The following SPATA13 variants were observed in gnomAD, a reference collection of about 807,000 sequenced individuals.
SPATA13 encodes the protein spermatogenesis-associated protein 13.
SPATA13 carries 50 observed loss-of-function variants against 104.0 expected under a neutral mutation model. That is an observed-to-expected ratio of 0.48 (90% confidence interval 0.38 to 0.61). The LOEUF (loss-of-function observed/expected upper bound fraction) is 0.61. SPATA13 is among the 20% of genes least tolerant of loss of function. The probability of loss-of-function intolerance (pLI) is 0.00; values close to 1 mark genes in which losing one functional copy is unlikely to be tolerated. For missense variants in SPATA13, 1,524 were observed against 1,690.6 expected (o/e 0.90, Z 1.73); for synonymous variants, 606 against 667.5 (o/e 0.91, Z 1.42).
intron 2 of SPATA13, among the ~76,000 whole-genome samples, chr13:24,016,102 C>T (rs1876701298): frequency 6.6e-6 from 1 of 152,180 alleles, no homozygotes; most frequent in Admixed American, 6.5e-5. Context: ...GTTCCAAGTC[C>T]CTGGCAGGAC....
intron 3 of SPATA13, among the ~76,000 whole-genome samples, chr13:24,147,096 G>A (rs1352878229): frequency 1.3e-5 from 2 of 152,118 alleles, no homozygotes. Context: ...GATGGAAGAT[G>A]ATATCTGATT....
chr13:24,021,289 G>A (rs528698411), intron 3 of SPATA13, among the ~76,000 whole-genome samples: 26 of 152,330 alleles, frequency 1.7e-4, no homozygotes, highest in Admixed American at 7.8e-4. Flanking sequence ...GAATCCTGAA[G>A]ATGCCTGTTT....
In SPATA13 at chr13:24,051,937, C is replaced by G. The variant is rs1392694541; in HGVS notation, c.-112+34236C>G. Among the ~76,000 whole-genome samples the G allele has an allele frequency of 6.6e-6, 1 of 152,194 alleles. No individual in the cohort carries two copies. The highest frequency in any genetic ancestry group is 2.4e-5 in the African/African-American group (1 of 41,438). ...GCCCCGGCCCACCCCTGCAGCTCCT[C>G]ACCAGGTTCAGACGTCCTGGCTCTG... On this transcript the variant is annotated intron_variant, in intron 3 of 14. Coordinates refer to the SPATA13 transcript ENST00000424834. The surrounding 1 kb of genome is among the most constrained non-coding windows in gnomAD (Gnocchi z 4.2).
intron 3 of SPATA13, among the ~76,000 whole-genome samples, chr13:24,142,179 C>G (rs939324579): frequency 4.0e-5 from 6 of 151,590 alleles, no homozygotes; most frequent in African/African-American, 1.5e-4. Flanking sequence ...CTCCCAGTGC[C>G]CCCCTCCCCC....
chr13:23,989,650 C>G (rs1024378619), intron 2 of SPATA13, among the ~76,000 whole-genome samples: 1 of 152,194 alleles, frequency 6.6e-6, no homozygotes, highest in Non-Finnish European at 1.5e-5. Context: ...TGCTGTCTTG[C>G]TTCTCCACAT....
At chr13:23,996,079 G>A (rs996802649) in intron 2 of SPATA13, among the ~76,000 whole-genome samples, 1 of 152,100 alleles carries the variant, frequency 6.6e-6, no homozygotes, top group Non-Finnish European at 1.5e-5. Context: ...AGGAAATGAA[G>A]GGTTTTTGGT....
intron 3 of SPATA13, among the ~76,000 whole-genome samples, chr13:24,078,632 G>T (rs1879409145): frequency 6.6e-6 from 1 of 152,300 alleles, no homozygotes; most frequent in Non-Finnish European, 1.5e-5. Flanking sequence ...GTTACTCTCA[G>T]TCTAGATCTC....
At chr13:24,048,635 G>C (rs1352853637) in intron 3 of SPATA13, among the ~76,000 whole-genome samples, 1 of 151,772 alleles carries the variant, frequency 6.6e-6, no homozygotes, top group African/African-American at 2.4e-5. Flanking sequence ...ATTTCAGATA[G>C]TTCAGGAAAG....
chr13:24,072,825 C>CTTTT (rs11353469), intron 3 of SPATA13, among the ~76,000 whole-genome samples: 3 of 120,652 alleles, frequency 2.5e-5, no homozygotes, highest in Admixed American at 8.8e-5. Context: ...CTGTTGGCTC[C>CTTTT]TTTTTTTTTT....
At chr13:24,219,820 A>C (rs1421363639) in intron 1 of SPATA13, among the ~76,000 whole-genome samples, 1 of 152,092 alleles carries the variant, frequency 6.6e-6, no homozygotes, top group Non-Finnish European at 1.5e-5. Flanking sequence ...ACCCACTTTC[A>C]CCTTAATTTT....
intron 1 of SPATA13, among the ~76,000 whole-genome samples, chr13:24,183,898 C>G (rs978124379): frequency 9.2e-5 from 14 of 152,140 alleles, no homozygotes; most frequent in African/African-American, 3.4e-4. Context: ...GGCGCTTCCT[C>G]AGACACAGCG....
At chr13:23,980,261 G>A (rs966890547) in intron 1 of SPATA13, among the ~76,000 whole-genome samples, 1 of 152,252 alleles carries the variant, frequency 6.6e-6, no homozygotes, top group Non-Finnish European at 1.5e-5. Flanking sequence ...CGCCGGGGCA[G>A]TAGTTGCACA....
chr13:24,266,438 C>A (rs536314708), intron 4 of SPATA13, among the ~76,000 whole-genome samples: 10 of 152,272 alleles, frequency 6.6e-5, no homozygotes, highest in South Asian at 6.2e-4. Context: ...GCATGTGTCA[C>A]CAAGCTGGGC....
chr13:24,021,276 G>A (rs1033902975), intron 3 of SPATA13, among the ~76,000 whole-genome samples: 2 of 152,202 alleles, frequency 1.3e-5, no homozygotes, highest in Non-Finnish European at 2.9e-5. Context: ...AAGAAAGTTT[G>A]GAGAATCCTG....
intron 2 of SPATA13, among the ~76,000 whole-genome samples, chr13:24,009,617 G>C (rs1876379548): frequency 6.6e-6 from 1 of 152,190 alleles, no homozygotes. Flanking sequence ...GCAATTGATT[G>C]AAAGAGTTAG....
At chr13:24,109,353 T>C (rs1810681) in intron 3 of SPATA13, among the ~76,000 whole-genome samples, 12,044 of 152,216 alleles carry the variant, frequency 0.079, 896 homozygotes, top group African/African-American at 0.2. Flanking sequence ...TAATCCGGTC[T>C]ATCATTGATG....
intron 4 of SPATA13, among the ~76,000 whole-genome samples, chr13:24,276,616 A>C (rs949215466): frequency 2.1e-5 from 3 of 144,932 alleles, no homozygotes; most frequent in African/African-American, 7.8e-5. Flanking sequence ...CTGTGTGCTT[A>C]AAAAGGGTTA....
At chr13:24,190,263 A>T (rs866122553) in intron 1 of SPATA13, among the ~76,000 whole-genome samples, 459 of 1,562 alleles carry the variant, frequency 0.29, 196 homozygotes, top group African/African-American at 0.56. Flanking sequence ...TAATATACAT[A>T]ATATATATTA....
At chr13:24,046,468 A>G (rs1476128964) in intron 3 of SPATA13, among the ~76,000 whole-genome samples, 1 of 146,878 alleles carries the variant, frequency 6.8e-6, no homozygotes, top group Non-Finnish European at 1.5e-5. Context: ...AATTTATTGT[A>G]GGGATGGAGT....
Sources: allele counts gnomAD v4.1 joint callset (sites outside exome capture counted in the v4.1 genomes callset), GRCh38; gene constraint gnomAD v4.1.1; non-coding constraint Gnocchi (gnomAD v3.1); transcripts MANE v1.5; gene names NCBI Gene and HGNC (gene_info 2026-07-23, HGNC 2026-07-21).